The following LHFPL5 variants were observed in gnomAD, a reference collection of about 807,000 sequenced individuals.
LHFPL5 encodes LHFPL tetraspan subfamily member 5 protein.
Under a neutral mutation model 18.7 loss-of-function variants are expected in LHFPL5, and 12 were observed. The ratio of observed to expected loss-of-function variants is 0.64; its 90% CI spans 0.41 to 1.04. The LOEUF is 1.04. Ranked by LOEUF, LHFPL5 falls within the 50% of genes least tolerant of loss-of-function variation. The probability of loss-of-function intolerance (pLI) is 0.00; values close to 1 mark genes in which losing one functional copy is unlikely to be tolerated. For synonymous variants in LHFPL5, 111 were observed against 120.2 expected, an observed-to-expected ratio of 0.92 and a Z score of 0.50; for missense variants, 259 against 292.1, an observed-to-expected ratio of 0.89 and a Z score of 0.83.
At chr6:35,822,722 C>T (rs905674648) in intron 3 of LHFPL5, among the ~76,000 whole-genome samples, 1 of 151,086 alleles carries the variant, frequency 6.6e-6, no homozygotes, top group South Asian at 2.1e-4. Flanking sequence ...CTCCTGATCT[C>T]GTGATCCGCC....
At position 35,814,874 on chromosome 6, in the gene LHFPL5, C is replaced by T. The variant is rs1768732777; in HGVS notation, c.649+92C>T. 3 of 1,171,324 alleles carry T rather than the reference C, an allele frequency of 2.6e-6. No homozygotes were observed. Among genetic ancestry groups the T allele is most frequent in the Non-Finnish European group, 3.8e-6 (3 of 779,284 alleles). The allele number at this position is 1,171,324 out of a possible 1,614,324, so 72.6% of individuals were successfully genotyped here. On this transcript the variant is annotated intron_variant, in intron 2 of 3. Coordinates refer to ENST00000360215, the MANE Select transcript of LHFPL5 (RefSeq NM_182548.4). This position sits in a 1 kb window ranked among gnomAD's most constrained non-coding sequence, Gnocchi z 4.2. Reference sequence around the variant, plus strand: ...TTAGCCAGTCCTCTAAGGCTTGGTCCCTGGCCAAGGGATGGGGACACCAAG... The same window carrying T: ...TTAGCCAGTCCTCTAAGGCTTGGTCTCTGGCCAAGGGATGGGGACACCAAG...
intron 1 of LHFPL5, 96 bp downstream of exon 1, chr6:35,806,178 A>G: frequency 7.3e-7 from 1 of 1,366,384 alleles, no homozygotes; most frequent in Non-Finnish European, 1.0e-6. Flanking sequence ...TGGGCCTTAA[A>G]TTTAGCTGTT....
intron 2 of LHFPL5, among the ~76,000 whole-genome samples, chr6:35,815,715 A>T (rs1249609781): frequency 6.6e-6 from 1 of 152,200 alleles, no homozygotes; most frequent in Non-Finnish European, 1.5e-5. Context: ...GAAGCCCAAA[A>T]GGGAAAGTCA....
chr6:35,819,694 T>C, intron 3 of LHFPL5: 1 of 548,018 alleles, frequency 1.8e-6, no homozygotes, highest in Non-Finnish European at 3.3e-6. Context: ...TTTTTTTTTT[T>C]GAGATGGAAT....
In LHFPL5 at chr6:35,819,450, C is replaced by A; in HGVS notation, c.*3C>A. 6.2e-7 allele frequency: 1 copy of A among 1,614,032 alleles called. No homozygotes were observed. Among genetic ancestry groups the A allele is most frequent in the Non-Finnish European group, 8.5e-7 (1 of 1,179,966 alleles). ...CCTTCATTACAGAGGAGGTGTGAAG[C>A]AGCTGAAGGGTCGGTGAGTAATTCT... On this transcript the variant is annotated 3_prime_UTR_variant, in exon 3 of 4. Coordinates refer to ENST00000360215, the MANE Select transcript of LHFPL5 (RefSeq NM_182548.4).
Position 35,814,492 on chromosome 6 carries a change from A to G in LHFPL5, c.413-54A>G, listed in dbSNP as rs1350810842. 1.6e-5 allele frequency: 21 copies of G among 1,326,722 alleles called. No homozygotes were observed. Among genetic ancestry groups the G allele is most frequent in the African/African-American group, 4.3e-5 (3 of 69,498 alleles). 82.2% of individuals were successfully genotyped at this position (1,326,722 alleles called of 1,614,324 possible). Reference sequence around the variant, plus strand: ...AACAGCAGTGCAAGGTGTGGGAGGTAGCGGGCTAGGCACACTCGGCCTGAT... The same window carrying G: ...AACAGCAGTGCAAGGTGTGGGAGGTGGCGGGCTAGGCACACTCGGCCTGAT... On this transcript the variant is annotated intron_variant, in intron 1 of 3. Coordinates refer to ENST00000360215, the MANE Select transcript of LHFPL5 (RefSeq NM_182548.4). The surrounding 1 kb of genome is among the most constrained non-coding windows in gnomAD (Gnocchi z 4.2).
rs1256085591 is a variant in LHFPL5, at chr6:35,805,856, C to T, written c.186C>T (p.Phe62=). 1.2e-5 allele frequency: 20 copies of T among 1,614,250 alleles called. No homozygotes were observed. The highest frequency in any genetic ancestry group is 2.2e-5 in the East Asian group (1 of 44,888). The part of the protein sequence containing the change: ...DSVNTPQAGY[F]GLFSYCVGNV... ...TCAACACACCGCAGGCAGGCTACTT[C>T]GGCCTTTTCTCCTACTGCGTGGGTA... The change falls in exon 1 of 4, where the codon TTC becomes TTT. Residue 62 remains phenylalanine, a synonymous_variant. Transcript: ENST00000360215. The surrounding 1 kb of genome is among the most constrained non-coding windows in gnomAD (Gnocchi z 4.3).
Position 35,805,426 on chromosome 6 carries a change from C to A in LHFPL5, c.-245C>A. The A allele has an allele frequency of 1.8e-6, 1 of 543,138 alleles. No homozygotes were observed. Among genetic ancestry groups the A allele is most frequent in the Non-Finnish European group, 3.3e-6 (1 of 300,146 alleles). The allele number at this position is 543,138 out of a possible 1,614,324, so 33.6% of individuals were successfully genotyped here. On this transcript the variant is annotated 5_prime_UTR_variant, in exon 1 of 4. Coordinates refer to ENST00000360215, the MANE Select transcript of LHFPL5 (RefSeq NM_182548.4). The surrounding 1 kb of genome is among the most constrained non-coding windows in gnomAD (Gnocchi z 4.3). ...AGGCCCTGGTGGGCTTGGGAGGAGG[C>A]AGGAGACTGGAGACAGCCTCGGCTA...
At chr6:35,810,607 C>G (rs1768648657) in intron 1 of LHFPL5, among the ~76,000 whole-genome samples, 1 of 151,950 alleles carries the variant, frequency 6.6e-6, no homozygotes, top group Admixed American at 6.6e-5. Context: ...CTGGGAAAGT[C>G]CCAGGCACAG....
intron 1 of LHFPL5, among the ~76,000 whole-genome samples, chr6:35,813,338 A>G (rs1473275992): frequency 7.5e-6 from 1 of 133,216 alleles, no homozygotes; most frequent in African/African-American, 2.9e-5. Context: ...TCCGCCTCCC[A>G]GGTTCACACC....
Position 35,819,426 on chromosome 6 carries a change from C to T in LHFPL5, c.650-11C>T, listed in dbSNP as rs761686883. 1 of 1,613,958 alleles carries T rather than the reference C, an allele frequency of 6.2e-7. No homozygotes were observed. Among genetic ancestry groups the T allele is most frequent in the Non-Finnish European group, 8.5e-7 (1 of 1,179,874 alleles). On this transcript the variant is annotated splice_polypyrimidine_tract_variant and intron_variant, in intron 2 of 3. Transcript: ENST00000360215. Reference sequence around the variant, plus strand: ...TGGTAGTAACGTATACTGTTCTCTCCTTCATTACAGAGGAGGTGTGAAGCA... The same window carrying T: ...TGGTAGTAACGTATACTGTTCTCTCTTTCATTACAGAGGAGGTGTGAAGCA...
At chr6:35,821,488 TGTGTG>T in intron 3 of LHFPL5, among the ~76,000 whole-genome samples, 1 of 150,360 alleles carries the variant, frequency 6.7e-6, no homozygotes, top group Admixed American at 6.7e-5. Context: ...TGTGTGTGTG[TGTGTG>T]TTCTTGACAC....
chr6:35,818,339 ATATATATATGTATTTTTTTT>A (rs1768800794), intron 2 of LHFPL5, among the ~76,000 whole-genome samples: 3 of 27,864 alleles, frequency 1.1e-4, no homozygotes, highest in African/African-American at 6.8e-4. Context: ...ATATATATAT[ATATATATATGTATTTTTTTT>A]TTTTTTTTTT....
At chr6:35,818,761 C>CT (rs201943402) in intron 2 of LHFPL5, among the ~76,000 whole-genome samples, 42,805 of 146,496 alleles carry the variant, frequency 0.29, 6,311 homozygotes, top group South Asian at 0.42. Flanking sequence ...TTAGTTCTCC[C>CT]TTTTTTTTTT....
chr6:35,805,688 G>A lies in LHFPL5; in HGVS notation c.18G>A (p.Pro6=), dbSNP rs1215583465. 1.2e-6 allele frequency: 2 copies of A among 1,614,070 alleles called. No homozygotes were observed. The highest frequency in any genetic ancestry group is 1.7e-6 in the Non-Finnish European group (2 of 1,180,008). Residue 6 remains proline, a synonymous_variant, in exon 1 of 4, where the codon CCG becomes CCA. Coordinates refer to ENST00000360215, the MANE Select transcript of LHFPL5 (RefSeq NM_182548.4). This position sits in a 1 kb window ranked among gnomAD's most constrained non-coding sequence, Gnocchi z 4.3. Reference sequence around the variant, plus strand: ...CCCTCACCATGGTGAAATTGCTGCCGGCCCAGGAGGCAGCCAAGATCTACC... The same window carrying A: ...CCCTCACCATGGTGAAATTGCTGCCAGCCCAGGAGGCAGCCAAGATCTACC... MVKLL[P]AQEAAKIYHT...
chr6:35,811,621 G>C (rs1768665928), intron 1 of LHFPL5, among the ~76,000 whole-genome samples: 1 of 152,222 alleles, frequency 6.6e-6, no homozygotes, highest in Non-Finnish European at 1.5e-5. Context: ...GCCCCCACAG[G>C]AAGATGGTGC....
chr6:35,813,034 G>A (rs536498892), intron 1 of LHFPL5, among the ~76,000 whole-genome samples: 10 of 151,822 alleles, frequency 6.6e-5, no homozygotes, highest in Non-Finnish European at 1.2e-4. Context: ...CAGCCTGGGC[G>A]ACAGAGCAAG....
intron 2 of LHFPL5, among the ~76,000 whole-genome samples, chr6:35,817,187 G>C (rs1039522151): frequency 1.6e-4 from 24 of 152,072 alleles, no homozygotes. Context: ...TGGGTGTGGT[G>C]GTGGGCACCT....
At chr6:35,822,499 TTTG>T (rs1236004190) in intron 3 of LHFPL5, among the ~76,000 whole-genome samples, 1 of 152,074 alleles carries the variant, frequency 6.6e-6, no homozygotes, top group African/African-American at 2.4e-5. Flanking sequence ...GTTTTTTTGT[TTTG>T]TTTTGTTTTT....
Sources: allele counts gnomAD v4.1 joint callset (sites outside exome capture counted in the v4.1 genomes callset), GRCh38; gene constraint gnomAD v4.1.1; non-coding constraint Gnocchi (gnomAD v3.1); transcripts MANE v1.5; gene names NCBI Gene and HGNC (gene_info 2026-07-23, HGNC 2026-07-21).